Variants in WDFY4 observed in about 807,000 individuals in gnomAD.
WDFY4 encodes the protein WDFY family member 4.
Under a neutral mutation model 351.9 loss-of-function variants are expected in WDFY4, and 169 were observed. The observed-to-expected ratio is 0.48, with a 90% CI of 0.42 to 0.55. The LOEUF (loss-of-function observed/expected upper bound fraction) is 0.55, where lower values mean the gene tolerates loss of function less well. WDFY4 is among the 20% of genes least tolerant of loss of function. The pLI is 0.00. For synonymous variants in WDFY4, 1,622 were observed against 1,574.6 expected, an observed-to-expected ratio of 1.03 and a Z score of -0.71; for missense variants, 3,803 against 3,935.6, an observed-to-expected ratio of 0.97 and a Z score of 0.90.
At chr10:48,793,755 G>A (rs1167948139) in intron 23 of WDFY4, among the ~76,000 whole-genome samples, 1 of 152,194 alleles carries the variant, frequency 6.6e-6, no homozygotes, top group East Asian at 1.9e-4. Flanking sequence ...GAATGAATCC[G>A]TGAATGAAAA....
chr10:48,915,206 A>G (rs1437319312), intron 47 of WDFY4, among the ~76,000 whole-genome samples: 1 of 152,226 alleles, frequency 6.6e-6, no homozygotes, highest in Non-Finnish European at 1.5e-5. Flanking sequence ...CCTGGTACAT[A>G]GTAATAGCTT....
At chr10:48,765,705 C>T (rs1379730532) in intron 13 of WDFY4, among the ~76,000 whole-genome samples, 1 of 151,538 alleles carries the variant, frequency 6.6e-6, no homozygotes, top group Non-Finnish European at 1.5e-5. Flanking sequence ...GACCTCCTGC[C>T]CCCCACCAAG....
At chr10:48,825,751 G>A (rs567453937) in intron 35 of WDFY4, among the ~76,000 whole-genome samples, 1 of 152,082 alleles carries the variant, frequency 6.6e-6, no homozygotes, top group East Asian at 1.9e-4. Flanking sequence ...CCACCTGAAT[G>A]TCTTCTTTGG....
At chr10:48,706,540 AG>A (rs1442686011) in intron 1 of WDFY4, among the ~76,000 whole-genome samples, 3 of 152,190 alleles carry the variant, frequency 2.0e-5, no homozygotes, top group African/African-American at 7.2e-5. Flanking sequence ...TCAAATTATC[AG>A]GGTTAAAAAA....
chr10:48,957,619 G>C (rs1173582537), intron 52 of WDFY4, among the ~76,000 whole-genome samples: 1 of 152,208 alleles, frequency 6.6e-6, no homozygotes, highest in Non-Finnish European at 1.5e-5. Context: ...TCGAGACCTT[G>C]GGCAAGCTCC....
At chr10:48,977,661 C>A (rs2131873482) in intron 59 of WDFY4, among the ~76,000 whole-genome samples, 1 of 152,366 alleles carries the variant, frequency 6.6e-6, no homozygotes, top group East Asian at 1.9e-4. Flanking sequence ...GAGTATATTA[C>A]TCTCCTGGGC....
At chr10:48,915,926 A>T (rs768083828) in intron 47 of WDFY4, among the ~76,000 whole-genome samples, 6 of 152,248 alleles carry the variant, frequency 3.9e-5, no homozygotes, top group Non-Finnish European at 8.8e-5. Flanking sequence ...CATGTTCACC[A>T]ATACTGAACT....
At chr10:48,737,261 C>T in intron 11 of WDFY4, among the ~76,000 whole-genome samples, 1 of 152,142 alleles carries the variant, frequency 6.6e-6, no homozygotes, top group South Asian at 2.1e-4. Flanking sequence ...TCTCCCACCT[C>T]AGCCTCCCAA....
rs374570736 is a variant in WDFY4 at position 48,786,790 on chromosome 10, C to A, written c.3728C>A (p.Ala1243Asp). 2 of 1,552,236 alleles carry A rather than the reference C, an allele frequency of 1.3e-6. No homozygotes were observed. The highest frequency in any genetic ancestry group is 2.0e-5 in the Admixed American group (1 of 50,992). ...RLGPTYLFEE[A>D]ISMETLEVIN... ...GGCCCCACATACCTCTTTGAAGAAG[C>A]CATTTCAATGGAAACTCTGGAAGTT... The change falls in exon 20 of 62, where the codon GCC becomes GAC. Residue 1243 changes from alanine to aspartate, a missense_variant. This residue lies in a region of WDFY4 where 3,054 missense variants were observed against 3,148.6 expected (regional missense o/e 0.97). Transcript: ENST00000325239.
At position 48,890,561 on chromosome 10, in the gene WDFY4, G is replaced by A. The variant is rs2070652302; in HGVS notation, c.7168-18G>A. On this transcript the variant is annotated intron_variant, in intron 43 of 61. Transcript: ENST00000325239. ...TGCTTCCTGTGCACCACCTGACTCTGCCACTCTCTCCTTCCAGGTGACGCA... is the reference window on the plus strand; with the variant it reads ...TGCTTCCTGTGCACCACCTGACTCTACCACTCTCTCCTTCCAGGTGACGCA... 6.4e-7 allele frequency: 1 copy of A among 1,551,490 alleles called. No homozygotes were observed. The highest frequency in any genetic ancestry group is 1.4e-5 in the African/African-American group (1 of 73,138).
chr10:48,845,106 G>T (rs148620414), intron 39 of WDFY4, among the ~76,000 whole-genome samples: 1,626 of 152,290 alleles, frequency 0.011, 28 homozygotes, highest in African/African-American at 0.037. Flanking sequence ...GCAGAGAGAG[G>T]CCCATGTGGC....
intron 39 of WDFY4, among the ~76,000 whole-genome samples, chr10:48,864,248 G>A (rs1040850048): frequency 6.6e-6 from 1 of 152,152 alleles, no homozygotes; most frequent in Non-Finnish European, 1.5e-5. Flanking sequence ...TTCATTTTAA[G>A]TTAATTTTTG....
intron 47 of WDFY4, among the ~76,000 whole-genome samples, chr10:48,935,873 G>C (rs759123939): frequency 6.7e-6 from 1 of 149,918 alleles, no homozygotes; most frequent in African/African-American, 2.4e-5. Flanking sequence ...CATGAATAAG[G>C]CTGAAATTAT....
rs1192404556 is a variant in WDFY4, at chr10:48,803,371, C to T, written c.4484+12C>T. The T allele has an allele frequency of 6.4e-7, 1 of 1,551,504 alleles. No homozygotes were observed. Among genetic ancestry groups the T allele is most frequent in the African/African-American group, 1.4e-5 (1 of 73,042 alleles). On this transcript the variant is annotated intron_variant, in intron 25 of 61. Transcript: ENST00000325239. ...CTTCAATCACCAAGGTAGGCTGGGT[C>T]TTGGCAGCCTGGGGGTTAGAACTGA...
intron 44 of WDFY4, among the ~76,000 whole-genome samples, chr10:48,894,176 T>C (rs1454149784): frequency 6.6e-6 from 1 of 152,214 alleles, no homozygotes; most frequent in Non-Finnish European, 1.5e-5. Flanking sequence ...TATATGGCTA[T>C]TCAGTTTCTA....
At chr10:48,759,813 A>T (rs1461515046) in intron 12 of WDFY4, among the ~76,000 whole-genome samples, 1 of 152,184 alleles carries the variant, frequency 6.6e-6, no homozygotes, top group Non-Finnish European at 1.5e-5. Flanking sequence ...GCTCACTGCC[A>T]GTTCATAGTG....
intron 47 of WDFY4, among the ~76,000 whole-genome samples, chr10:48,931,872 G>A (rs1188929253): frequency 5.3e-5 from 8 of 152,198 alleles, no homozygotes; most frequent in Admixed American, 2.0e-4. Context: ...CTATTGCCAG[G>A]AGAATTGAGA....
chr10:48,960,041 G>A (rs921141022), intron 53 of WDFY4, among the ~76,000 whole-genome samples: 2 of 152,198 alleles, frequency 1.3e-5, no homozygotes, highest in Non-Finnish European at 2.9e-5. Context: ...AGCTTGGTGA[G>A]GGTTTCACTG....
intron 56 of WDFY4, among the ~76,000 whole-genome samples, 167 bp from the exon 57 acceptor site, chr10:48,969,964 G>A (rs1377963894): frequency 2.0e-5 from 3 of 152,232 alleles, no homozygotes; most frequent in African/African-American, 7.2e-5. Context: ...CTCCTGCGTG[G>A]GGTCCCAGGA....
Sources: allele counts gnomAD v4.1 joint callset (sites outside exome capture counted in the v4.1 genomes callset), GRCh38; gene constraint gnomAD v4.1.1; regional missense constraint gnomAD v4.1.1; transcripts MANE v1.5; gene names NCBI Gene and HGNC (gene_info 2026-07-23, HGNC 2026-07-21).